The following HEXB variants were observed in gnomAD, a reference collection of about 807,000 sequenced individuals.
HEXB encodes the protein hexosaminidase subunit beta.
HEXB carries 51 observed loss-of-function variants against 71.2 expected under a neutral mutation model. That is an observed-to-expected ratio of 0.72 (90% CI 0.57 to 0.90). HEXB has a LOEUF of 0.90. Ranked by LOEUF, HEXB falls within the 40% of genes least tolerant of loss-of-function variation. The pLI is 0.00. For synonymous variants in HEXB, 266 were observed against 249.3 expected (o/e 1.07, Z -0.63); for missense variants, 617 against 677.0 (o/e 0.91, Z 0.98).
intron 6 of HEXB, among the ~76,000 whole-genome samples, chr5:74,707,779 T>C (rs1402338434): frequency 1.3e-5 from 2 of 149,642 alleles, no homozygotes; most frequent in Admixed American, 6.7e-5. Context: ...CCAAGAAATA[T>C]GGGACTATGT....
At chr5:74,676,792 G>A (rs1748638428) in intron 1 of HEXB, among the ~76,000 whole-genome samples, 1 of 152,112 alleles carries the variant, frequency 6.6e-6, no homozygotes, top group Admixed American at 6.5e-5. Context: ...CGGGAAGGTG[G>A]AAGAAGGGGC....
chr5:74,679,972 T>C (rs1748709058), intron 1 of HEXB, among the ~76,000 whole-genome samples: 1 of 152,088 alleles, frequency 6.6e-6, no homozygotes, highest in Non-Finnish European at 1.5e-5. Flanking sequence ...AGACAAAATG[T>C]CCTCTAAATA....
intron 1 of HEXB, among the ~76,000 whole-genome samples, chr5:74,675,602 G>A (rs1278986309): frequency 1.3e-5 from 2 of 152,198 alleles, no homozygotes; most frequent in Non-Finnish European, 2.9e-5. Context: ...ACAACTGAGG[G>A]TGCAAGTGAT....
chr5:74,715,321 G>C (rs1208556771), intron 7 of HEXB, among the ~76,000 whole-genome samples, 189 bp from the exon 8 acceptor site: 1 of 152,124 alleles, frequency 6.6e-6, no homozygotes, highest in Non-Finnish European at 1.5e-5. Flanking sequence ...GGGAAACAAA[G>C]AGGCAAAGAG....
At chr5:74,680,933 CA>C (rs1748725912), upstream of HEXB, among the ~76,000 whole-genome samples, 1 of 152,228 alleles carries the variant, frequency 6.6e-6, no homozygotes, top group African/African-American at 2.4e-5. Context: ...AGTGGAAACA[CA>C]TTTGCTGTAA....
chr5:74,718,911 T>G lies in HEXB; in HGVS notation c.1357T>G (p.Leu453Val). Residue 453 changes from leucine to valine, a missense_variant, in exon 11 of 14, where the codon TTG (leucine) becomes GTG (valine). By Grantham distance (32) the Leu-to-Val change is conservative. Transcript: ENST00000261416. ...CCTTTCTGCTCCTTGGTACTTAGAT[T>G]TGATTAGCTATGGACAAGATTGGAG... is the stretch of plus-strand genomic sequence containing the variant. ...VILSAPWYLD[L>V]ISYGQDWRKY... 1.2e-6 allele frequency: 2 copies of G among 1,614,126 alleles called. No individual in the cohort carries two copies. The highest frequency in any genetic ancestry group is 1.1e-5 in the South Asian group (1 of 91,086).
Position 74,705,321 on chromosome 5 carries a change from G to A in HEXB, c.771+1G>A. The A allele has an allele frequency of 6.7e-7, 1 of 1,497,998 alleles. No homozygotes were observed. The highest frequency in any genetic ancestry group is 9.3e-7 in the Non-Finnish European group (1 of 1,074,284). The allele number at this position is 1,497,998 out of a possible 1,614,324, so 92.8% of individuals were successfully genotyped here. On this transcript the variant is annotated splice_donor_variant, in intron 6 of 13. Coordinates refer to ENST00000261416, the MANE Select transcript of HEXB (RefSeq NM_000521.4). LOFTEE classifies it high-confidence loss of function. ...CACTTTTCCTGAGTTAAGCAATAAAGTGAGTAAATTGTATTGTACTCTGTC... is the reference window on the plus strand; with the variant it reads ...CACTTTTCCTGAGTTAAGCAATAAAATGAGTAAATTGTATTGTACTCTGTC...
chr5:74,692,987 C>A (rs758631048), intron 2 of HEXB, among the ~76,000 whole-genome samples: 4 of 152,176 alleles, frequency 2.6e-5, no homozygotes, highest in Non-Finnish European at 5.9e-5. Context: ...ATGATGTGAA[C>A]TTTTAATTGA....
chr5:74,707,158 C>T (rs1323984621), intron 6 of HEXB, among the ~76,000 whole-genome samples: 3 of 146,710 alleles, frequency 2.0e-5, no homozygotes, highest in African/African-American at 5.1e-5. Flanking sequence ...CTGCAGACAC[C>T]GCTGCTGATA....
chr5:74,648,175 G>C (rs1350314078), intron 1 of HEXB, among the ~76,000 whole-genome samples: 1 of 152,188 alleles, frequency 6.6e-6, no homozygotes, highest in African/African-American at 2.4e-5. Context: ...GAGGATTATA[G>C]AGCATAAAAG....
At chr5:74,694,541 A>G (rs1235331611) in intron 3 of HEXB, among the ~76,000 whole-genome samples, 1 of 152,218 alleles carries the variant, frequency 6.6e-6, no homozygotes, top group Admixed American at 6.5e-5. Context: ...TGACCTCAGG[A>G]CATTTGCTGT....
chr5:74,662,549 T>G (rs1335592851), intron 1 of HEXB, among the ~76,000 whole-genome samples: 1 of 152,202 alleles, frequency 6.6e-6, no homozygotes, highest in African/African-American at 2.4e-5. Context: ...AATAAATTAC[T>G]GGAGATGGAG....
At position 74,652,498 on chromosome 5, in the gene HEXB, AT is replaced by A. The variant is rs1561201363; in HGVS notation, c.-377+11942del. Among the ~76,000 whole-genome samples, 1 of 152,242 alleles carries A rather than the reference AT, an allele frequency of 6.6e-6. No individual in the cohort carries two copies. The highest frequency in any genetic ancestry group is 6.5e-5 in the Admixed American group (1 of 15,282). ...TGGGATGTTTTGCAAAATTTTTTAC[AT>A]TCAAAAGAGTCCTCATAGTTGGGTA... On this transcript the variant is annotated intron_variant, in intron 1 of 13. Transcript: ENST00000511181. The surrounding 1 kb of genome is among the most constrained non-coding windows in gnomAD (Gnocchi z 5.4).
intron 11 of HEXB, 104 bp from the exon 12 acceptor site, chr5:74,720,324 A>T: frequency 1.1e-6 from 1 of 903,048 alleles, no homozygotes; most frequent in Non-Finnish European, 1.9e-6. Context: ...CACGGGCAAG[A>T]AATGTTGCCC....
In HEXB at chr5:74,652,288, G is replaced by C. The variant is rs1748127836; in HGVS notation, c.-377+11730G>C. On this transcript the variant is annotated intron_variant, in intron 1 of 13. Transcript: ENST00000511181. This position sits in a 1 kb window ranked among gnomAD's most constrained non-coding sequence, Gnocchi z 5.4. Reference sequence around the variant, plus strand: ...CAATGATGCGTTTGAACTTGTGCAAGAATCCAGTTATTAAATGGCAGAATC... The same window carrying C: ...CAATGATGCGTTTGAACTTGTGCAACAATCCAGTTATTAAATGGCAGAATC... Among the ~76,000 whole-genome samples the C allele has an allele frequency of 6.6e-6, 1 of 152,176 alleles. No homozygotes were observed. Among genetic ancestry groups the C allele is most frequent in the South Asian group, 2.1e-4 (1 of 4,832 alleles).
At chr5:74,678,734 C>T (rs1456134195) in intron 1 of HEXB, among the ~76,000 whole-genome samples, 3 of 151,902 alleles carry the variant, frequency 2.0e-5, no homozygotes, top group East Asian at 3.9e-4. Context: ...TAAAAGCTAC[C>T]GTAAAACAAC....
chr5:74,708,154 G>T (rs1430139333), intron 6 of HEXB, among the ~76,000 whole-genome samples: 7 of 149,960 alleles, frequency 4.7e-5, no homozygotes, highest in Admixed American at 6.7e-5. Context: ...TTAAAGAAAA[G>T]AATTTTCAAC....
At chr5:74,692,424 A>G (rs917662565) in intron 2 of HEXB, among the ~76,000 whole-genome samples, 1 of 152,080 alleles carries the variant, frequency 6.6e-6, no homozygotes, top group East Asian at 1.9e-4. Flanking sequence ...CGAGGCTGCA[A>G]TGAACCGTGA....
At chr5:74,672,685 G>T (rs1748561655) in intron 1 of HEXB, among the ~76,000 whole-genome samples, 1 of 152,234 alleles carries the variant, frequency 6.6e-6, no homozygotes, top group Non-Finnish European at 1.5e-5. Flanking sequence ...GGTAGCTAGT[G>T]CCATTTCTGC....
Sources: allele counts gnomAD v4.1 joint callset (sites outside exome capture counted in the v4.1 genomes callset), GRCh38; gene constraint gnomAD v4.1.1; non-coding constraint Gnocchi (gnomAD v3.1); transcripts MANE v1.5; gene names NCBI Gene and HGNC (gene_info 2026-07-23, HGNC 2026-07-21).